SNCB: variants seen among roughly 807,000 people sequenced by gnomAD.
SNCB encodes the protein synuclein beta.
SNCB carries 8 observed loss-of-function variants against 20.0 expected under a neutral mutation model. The observed-to-expected ratio is 0.40, with a 90% CI of 0.24 to 0.72. The LOEUF (loss-of-function observed/expected upper bound fraction) is 0.72. SNCB is among the 30% of genes least tolerant of loss of function. The pLI is 0.37. For synonymous variants in SNCB, 56 were observed against 65.4 expected, an observed-to-expected ratio of 0.86 and a Z score of 0.69; for missense variants, 125 against 168.0, an observed-to-expected ratio of 0.74 and a Z score of 1.41.
At chr5:176,625,359 G>C (rs1000911301) in intron 4 of SNCB, among the ~76,000 whole-genome samples, 2 of 152,194 alleles carry the variant, frequency 1.3e-5, no homozygotes, top group African/African-American at 2.4e-5. Flanking sequence ...AAATTCTAAC[G>C]ATGGGGCCAA....
rs766653164 is a variant in SNCB, at chr5:176,626,791, G to A, written c.122-30C>T. ...AGGGAGAAAAAGCGGCACATTTAAG[G>A]ACTCTGCGCTGAGGGAACAGAAACT... is the stretch of plus-strand genomic sequence containing the variant. On this transcript the variant is annotated intron_variant, in intron 2 of 5. Transcript: ENST00000393693. This position sits in a 1 kb window ranked among gnomAD's most constrained non-coding sequence, Gnocchi z 4.2. 23 of 1,613,466 alleles carry A rather than the reference G, an allele frequency of 1.4e-5. 1 individual carries two copies. Among genetic ancestry groups the A allele is most frequent in the Admixed American group, 8.3e-5 (5 of 60,012 alleles).
Position 176,629,670 on chromosome 5 carries a change from AG to A in SNCB, c.-9-8del. The A allele has an allele frequency of 6.2e-7, 1 of 1,611,862 alleles. No homozygotes were observed. Among genetic ancestry groups the A allele is most frequent in the South Asian group, 1.1e-5 (1 of 90,910 alleles). ...ACACGTCCATCCTGGCGGCCTGGGG[AG>A]GGCGATACACGGGCACCGGTGCACT... is the stretch of plus-strand genomic sequence containing the variant. On this transcript the variant is annotated splice_polypyrimidine_tract_variant and splice_region_variant and intron_variant, in intron 1 of 5. Coordinates refer to ENST00000393693, the MANE Select transcript of SNCB (RefSeq NM_003085.5). This position sits in a 1 kb window ranked among gnomAD's most constrained non-coding sequence, Gnocchi z 4.1.
chr5:176,626,681 T>C lies in SNCB; in HGVS notation c.163+39A>G, dbSNP rs1207457773. The C allele has an allele frequency of 1.9e-6, 3 of 1,608,780 alleles. No individual in the cohort carries two copies. In the East Asian group the frequency reaches 6.7e-5, roughly 36 times the overall value. ...CTGGTTCCCGGCCAGATCATCCGCC[T>C]AAGTGAGAGAAGGGCTGGTGCCAGG... On this transcript the variant is annotated intron_variant, in intron 3 of 5. Coordinates refer to ENST00000393693, the MANE Select transcript of SNCB (RefSeq NM_003085.5). This position sits in a 1 kb window ranked among gnomAD's most constrained non-coding sequence, Gnocchi z 4.2.
In SNCB at chr5:176,629,511, C is replaced by G; in HGVS notation, c.121+23G>C. 2 of 1,611,472 alleles carry G rather than the reference C, an allele frequency of 1.2e-6. No homozygotes were observed. The highest frequency in any genetic ancestry group is 1.1e-5 in the South Asian group (1 of 90,764). On this transcript the variant is annotated intron_variant, in intron 2 of 5. Transcript: ENST00000393693. The surrounding 1 kb of genome is among the most constrained non-coding windows in gnomAD (Gnocchi z 4.1). Reference sequence around the variant, plus strand: ...CGGGGGACCCCCAGCCCTGCAGCCCCAGAAACCCCGCCCCTTACCCACCGA... The same window carrying G: ...CGGGGGACCCCCAGCCCTGCAGCCCGAGAAACCCCGCCCCTTACCCACCGA...
At position 176,621,350 on chromosome 5, in the gene SNCB, C is replaced by A; in HGVS notation, c.283-47G>T. The A allele has an allele frequency of 2.0e-6, 3 of 1,506,708 alleles. No individual in the cohort carries two copies. The highest frequency in any genetic ancestry group is 2.3e-5 in the East Asian group (1 of 43,816). The allele number at this position is 1,506,708 out of a possible 1,614,324, so 93.3% of individuals were successfully genotyped here. ...ACTCGTGAGGACAGCCAGGATGCCC[C>A]CCAAATTCCCACAGTGGTAAGCTTT... On this transcript the variant is annotated intron_variant, in intron 4 of 5. Transcript: ENST00000393693. This position sits in a 1 kb window ranked among gnomAD's most constrained non-coding sequence, Gnocchi z 4.1.
rs1386266461 is a variant in SNCB, at chr5:176,621,269, G to C, written c.317C>G (p.Pro106Arg). 16 of 1,613,890 alleles carry C rather than the reference G, an allele frequency of 9.9e-6. No homozygotes were observed. Among genetic ancestry groups the C allele is most frequent in the Non-Finnish European group, 1.4e-5 (16 of 1,179,980 alleles). Residue 106 changes from proline to arginine, a missense_variant, in exon 5 of 6, where the codon CCA becomes CGA. By Grantham distance (103) the Pro-to-Arg change is moderately radical. Coordinates refer to ENST00000393693, the MANE Select transcript of SNCB (RefSeq NM_003085.5). This position sits in a 1 kb window ranked among gnomAD's most constrained non-coding sequence, Gnocchi z 4.1. Reference protein sequence around the residue: ...EEVAQEAAEEPLIEPLMEPEG... With the variant: ...EEVAQEAAEERLIEPLMEPEG... ...TGGCTCCATCAGGGGCTCAATCAGTGGTTCTTCAGCAGCTTCCTGGGCCAC... is the reference window on the plus strand; with the variant it reads ...TGGCTCCATCAGGGGCTCAATCAGTCGTTCTTCAGCAGCTTCCTGGGCCAC...
rs1490315622 is a variant in SNCB, at chr5:176,620,757, G to A, written c.*54C>T. ...CTAAGGACAGCCCTGGCTCTGGGGG[G>A]CGGGGCAGGGACAGGGACAGAATTG... On this transcript the variant is annotated 3_prime_UTR_variant, in exon 6 of 6. Coordinates refer to ENST00000393693, the MANE Select transcript of SNCB (RefSeq NM_003085.5). The surrounding 1 kb of genome is among the most constrained non-coding windows in gnomAD (Gnocchi z 4.5). 9.5e-6 allele frequency: 12 copies of A among 1,265,768 alleles called. No homozygotes were observed. The highest frequency in any genetic ancestry group is 1.3e-5 in the Non-Finnish European group (11 of 860,132). The allele number at this position is 1,265,768 out of a possible 1,614,324, so 78.4% of individuals were successfully genotyped here. A position where few individuals can be genotyped will look rare whatever the true frequency, so the allele number is the denominator to read the frequency against.
At chr5:176,622,601 C>T (rs1345727657) in intron 4 of SNCB, among the ~76,000 whole-genome samples, 4 of 152,250 alleles carry the variant, frequency 2.6e-5, no homozygotes, top group Admixed American at 1.3e-4. Context: ...TGTGACCTAA[C>T]GACACAATGG....
Position 176,629,236 on chromosome 5 carries a change from C to G in SNCB, c.121+298G>C, listed in dbSNP as rs1457525418. On this transcript the variant is annotated intron_variant, in intron 2 of 5. Transcript: ENST00000393693. This position sits in a 1 kb window ranked among gnomAD's most constrained non-coding sequence, Gnocchi z 4.1. Reference sequence around the variant, plus strand: ...ACAGAAAGTGTTCAACACCAGATAACTATTAATAATGGTAAAAAAGATAAG... The same window carrying G: ...ACAGAAAGTGTTCAACACCAGATAAGTATTAATAATGGTAAAAAAGATAAG... 6.6e-6 allele frequency among the ~76,000 whole-genome samples: 1 copy of G among 152,184 alleles called. No individual in the cohort carries two copies. The highest frequency in any genetic ancestry group is 1.5e-5 in the Non-Finnish European group (1 of 68,038).
chr5:176,623,963 G>C (rs1044010092), intron 4 of SNCB, among the ~76,000 whole-genome samples: 23 of 152,222 alleles, frequency 1.5e-4, no homozygotes, highest in African/African-American at 5.3e-4. Flanking sequence ...CGTGATGATG[G>C]ATGGAAAGCA....
chr5:176,622,237 C>T (rs1759647331), intron 4 of SNCB, among the ~76,000 whole-genome samples: 1 of 152,214 alleles, frequency 6.6e-6, no homozygotes, highest in African/African-American at 2.4e-5. Context: ...TGCACAGATG[C>T]GTATGCCAAG....
chr5:176,623,025 G>A (rs1313752742), intron 4 of SNCB, among the ~76,000 whole-genome samples: 5 of 151,972 alleles, frequency 3.3e-5, no homozygotes, highest in Non-Finnish European at 5.9e-5. Flanking sequence ...GAGCCACTGT[G>A]CCCAGCCTCA....
At position 176,629,588 on chromosome 5, in the gene SNCB, T is replaced by C; in HGVS notation, c.67A>G (p.Lys23Glu). The C allele has an allele frequency of 6.2e-7, 1 of 1,613,682 alleles. No individual in the cohort carries two copies. Among genetic ancestry groups the C allele is most frequent in the Non-Finnish European group, 8.5e-7 (1 of 1,179,836 alleles). ...EGVVAAAEKTKQGVTEAAEKT... is the reference protein window; with the variant it reads ...EGVVAAAEKTEQGVTEAAEKT... ...TCCGCCGCCTCGGTGACCCCCTGCTTGGTTTTCTCCGCGGCTGCCACAACG... is the reference window on the plus strand; with the variant it reads ...TCCGCCGCCTCGGTGACCCCCTGCTCGGTTTTCTCCGCGGCTGCCACAACG... Residue 23 changes from lysine (K) to glutamate (E), a missense_variant, in exon 2 of 6, where the codon AAG becomes GAG. Transcript: ENST00000393693. This position sits in a 1 kb window ranked among gnomAD's most constrained non-coding sequence, Gnocchi z 4.1.
At position 176,629,659 on chromosome 5, in the gene SNCB, G is replaced by GCGGCCTGGGGAGGGCGATACA. The variant is rs1342815881; in HGVS notation, c.-9-17_-6dup. 1 of 1,612,994 alleles carries GCGGCCTGGGGAGGGCGATACA rather than the reference G, an allele frequency of 6.2e-7. No homozygotes were observed. The highest frequency in any genetic ancestry group is 8.5e-7 in the Non-Finnish European group (1 of 1,179,540). ...GCCCTTCATGAACACGTCCATCCTG[G>GCGGCCTGGGGAGGGCGATACA]CGGCCTGGGGAGGGCGATACACGGG... is the stretch of plus-strand genomic sequence containing the variant. On this transcript the variant is annotated 5_prime_UTR_variant, in exon 2 of 6. Coordinates refer to ENST00000393693, the MANE Select transcript of SNCB (RefSeq NM_003085.5). The surrounding 1 kb of genome is among the most constrained non-coding windows in gnomAD (Gnocchi z 4.1).
intron 4 of SNCB, among the ~76,000 whole-genome samples, chr5:176,622,406 C>G (rs1276393501): frequency 2.6e-5 from 4 of 152,158 alleles, no homozygotes; most frequent in African/African-American, 9.6e-5. Context: ...AGGAGAATCG[C>G]TTGAACCCGG....
rs2113368942 is a variant in SNCB at position 176,620,121 on chromosome 5, C to CA, written c.*689dup. ...TGTGTGTGCCAGACCCCAAAGAGCA[C>CA]AGAGGGGTAGGCTGGGACCTGGAAG... On this transcript the variant is annotated 3_prime_UTR_variant, in exon 6 of 6. Transcript: ENST00000393693. The surrounding 1 kb of genome is among the most constrained non-coding windows in gnomAD (Gnocchi z 4.5). 1 of 153,586 alleles carries CA rather than the reference C, an allele frequency of 6.5e-6. No homozygotes were observed. Among genetic ancestry groups the CA allele is most frequent in the South Asian group, 2.1e-4 (1 of 4,876 alleles). 9.5% of individuals were successfully genotyped at this position (153,586 alleles called of 1,614,324 possible).
At chr5:176,627,733 G>A (rs1284490673) in intron 2 of SNCB, among the ~76,000 whole-genome samples, 1 of 152,250 alleles carries the variant, frequency 6.6e-6, no homozygotes, top group Non-Finnish European at 1.5e-5. Context: ...CCAGAGACAG[G>A]AGGGGCAGGC....
In SNCB at chr5:176,629,893, G is replaced by C. The variant is rs942864634; in HGVS notation, c.-9-230C>G. The C allele has an allele frequency of 1.9e-6, 1 of 529,106 alleles. No homozygotes were observed. The highest frequency in any genetic ancestry group is 3.7e-5 in the Admixed American group (1 of 27,136). 32.8% of individuals were successfully genotyped at this position (529,106 alleles called of 1,614,324 possible). A position where few individuals can be genotyped will look rare whatever the true frequency, so the allele number is the denominator to read the frequency against. On this transcript the variant is annotated intron_variant, in intron 1 of 5. Transcript: ENST00000393693. This position sits in a 1 kb window ranked among gnomAD's most constrained non-coding sequence, Gnocchi z 4.1. ...GGACGCGGGAGGGGCCACTGCCTCG[G>C]TTATCCGGGCCCTGCAAACTGCAGC...
chr5:176,621,037 G>A lies in SNCB; in HGVS notation c.372+177C>T, dbSNP rs768529472. ...TGGGCAGGTGTGCCTGGGGCCCAGC[G>A]CTAGACCCTATCTGCCCTCTCCTCC... On this transcript the variant is annotated intron_variant, in intron 5 of 5. Transcript: ENST00000393693. The surrounding 1 kb of genome is among the most constrained non-coding windows in gnomAD (Gnocchi z 4.1). Among the ~76,000 whole-genome samples, 1 of 152,144 alleles carries A rather than the reference G, an allele frequency of 6.6e-6. No homozygotes were observed.
Sources: gnomAD v4.1 joint callset for allele counts (sites outside exome capture counted in the v4.1 genomes callset) on GRCh38, gnomAD v4.1.1 for gene constraint, Gnocchi (gnomAD v3.1) non-coding constraint, MANE v1.5 for transcripts, NCBI Gene and HGNC (gene_info 2026-07-23, HGNC 2026-07-21) for gene names.